Variants in MRPL3 observed in about 807,000 individuals in gnomAD.
MRPL3 encodes the protein mitochondrial ribosomal protein L3, also known as large ribosomal subunit protein uL3m.
A neutral mutation model predicts 44.3 loss-of-function variants in MRPL3; 43 were observed. The observed-to-expected ratio is 0.97, with a 90% CI of 0.76 to 1.25. MRPL3 has a LOEUF of 1.25. MRPL3 is among the 50% of genes most tolerant of loss of function. MRPL3 has a pLI of 0.00. For synonymous variants in MRPL3, 171 were observed against 152.3 expected, an observed-to-expected ratio of 1.12 and a Z score of -0.91; for missense variants, 406 against 427.6, an observed-to-expected ratio of 0.95 and a Z score of 0.45.
intron 5 of MRPL3, among the ~76,000 whole-genome samples, chr3:131,488,232 T>C (rs1020794517): frequency 2.0e-5 from 3 of 152,176 alleles, no homozygotes; most frequent in Non-Finnish European, 4.4e-5. Context: ...ATATCAGATT[T>C]TGGGTGAACT....
At chr3:131,475,083 G>T (rs1315330516) in intron 6 of MRPL3, among the ~76,000 whole-genome samples, 1 of 152,042 alleles carries the variant, frequency 6.6e-6, no homozygotes, top group African/African-American at 2.4e-5. Flanking sequence ...TGCCAGGCAT[G>T]TGACATATTT....
intron 6 of MRPL3, among the ~76,000 whole-genome samples, chr3:131,475,571 A>T (rs1933836485): frequency 6.6e-6 from 1 of 152,214 alleles, no homozygotes; most frequent in East Asian, 1.9e-4. Context: ...CTTTTATAAG[A>T]ATAATTTAAA....
chr3:131,494,892 G>A (rs1295662563), intron 4 of MRPL3, among the ~76,000 whole-genome samples: 1 of 152,050 alleles, frequency 6.6e-6, no homozygotes, highest in African/African-American at 2.4e-5. Flanking sequence ...TCCCATCTAT[G>A]AGGTTGCATT....
intron 5 of MRPL3, 116 bp downstream of exon 5, chr3:131,489,865 A>C: frequency 1.7e-6 from 1 of 583,528 alleles, no homozygotes; most frequent in Non-Finnish European, 3.0e-6. Flanking sequence ...TTTTGTATTT[A>C]AAAGTAAGTG....
intron 6 of MRPL3, among the ~76,000 whole-genome samples, chr3:131,486,336 C>G (rs35806261): frequency 1.2e-5 from 1 of 81,720 alleles, no homozygotes; most frequent in Admixed American, 1.8e-4. Context: ...CAAATGGGAT[C>G]TCATTAAACC....
At chr3:131,500,613 T>C (rs1363185782) in intron 2 of MRPL3, 92 bp from the exon 3 acceptor site, 21 of 988,036 alleles carry the variant, frequency 2.1e-5, no homozygotes, top group Non-Finnish European at 2.9e-5. Context: ...GGTTTCCGTA[T>C]GAGGAGCAGG....
chr3:131,496,877 T>C (rs529680729), intron 4 of MRPL3, among the ~76,000 whole-genome samples: 4 of 152,348 alleles, frequency 2.6e-5, no homozygotes, highest in Middle Eastern at 3.4e-3. Context: ...CACACTACCT[T>C]GATAGCTGCA....
chr3:131,464,138 C>T (rs1035440071), intron 9 of MRPL3, among the ~76,000 whole-genome samples: 6 of 151,938 alleles, frequency 3.9e-5, no homozygotes, highest in African/African-American at 1.4e-4. Flanking sequence ...TTTAAACTTG[C>T]TCAGTATTTA....
chr3:131,470,166 T>C (rs948401641), intron 7 of MRPL3, among the ~76,000 whole-genome samples: 1 of 152,178 alleles, frequency 6.6e-6, no homozygotes, highest in Non-Finnish European at 1.5e-5. Context: ...ACTTCATCCA[T>C]ACCACTGGTG....
At chr3:131,495,033 C>T (rs1258434961) in intron 4 of MRPL3, among the ~76,000 whole-genome samples, 3 of 152,076 alleles carry the variant, frequency 2.0e-5, no homozygotes, top group Admixed American at 6.6e-5. Context: ...TATGTACTAC[C>T]TCAGTTTTTA....
rs147405712 is a variant in MRPL3 at position 131,497,701 on chromosome 3, C to T, written c.468+478G>A. Among the ~76,000 whole-genome samples, 236 of 152,148 alleles carry T rather than the reference C, an allele frequency of 1.6e-3. 1 individual carries two copies. The highest frequency in any genetic ancestry group is 5.2e-3 in the African/African-American group (215 of 41,520). On this transcript the variant is annotated intron_variant, in intron 4 of 9. Transcript: ENST00000264995. ...TTTGGATTCTTATACAGCTTTCTCC[C>T]AAACACTGAAAGCTCCTTCCAGAAT...
intron 6 of MRPL3, chr3:131,479,037 T>C: frequency 2.3e-6 from 1 of 442,784 alleles, no homozygotes; most frequent in South Asian, 1.7e-5. Flanking sequence ...ATCCATACTC[T>C]AAGTAGAGGT....
chr3:131,480,726 C>A (rs1414815945), intron 6 of MRPL3, among the ~76,000 whole-genome samples: 1 of 152,176 alleles, frequency 6.6e-6, no homozygotes, highest in African/African-American at 2.4e-5. Context: ...TGAAAGGACA[C>A]AAATTTTCTG....
At chr3:131,498,070 C>T in intron 4 of MRPL3, 109 bp downstream of exon 4, 2 of 853,262 alleles carry the variant, frequency 2.3e-6, no homozygotes, top group Non-Finnish European at 3.8e-6. Context: ...CAATTTACCT[C>T]ACAAACAAAT....
chr3:131,476,774 C>T (rs1264989669), intron 6 of MRPL3, among the ~76,000 whole-genome samples: 5 of 152,114 alleles, frequency 3.3e-5, no homozygotes, highest in South Asian at 2.1e-4. Flanking sequence ...TTTCAGTGCA[C>T]GAAGGGTAGA....
At chr3:131,487,267 A>AGGGC (rs1934147476) in intron 6 of MRPL3, 1 of 160,204 alleles carries the variant, frequency 6.2e-6, no homozygotes, top group Admixed American at 6.4e-5. Context: ...ACTTGGACAC[A>AGGGC]GGGCGGGGAA....
intron 7 of MRPL3, 97 bp downstream of exon 7, chr3:131,471,074 C>T (rs999467436): frequency 1.2e-6 from 1 of 843,260 alleles, no homozygotes; most frequent in African/African-American, 1.7e-5. Flanking sequence ...TTGTGTCAGA[C>T]TAAAATTATG....
intron 9 of MRPL3, 49 bp downstream of exon 9, chr3:131,468,042 T>A (rs1933657698): frequency 3.2e-6 from 3 of 948,396 alleles, no homozygotes; most frequent in Non-Finnish European, 2.9e-6. Context: ...AGCTTGCGAG[T>A]AAGAAACAAA....
intron 5 of MRPL3, among the ~76,000 whole-genome samples, chr3:131,488,093 C>T (rs1322506807): frequency 6.6e-6 from 1 of 152,000 alleles, no homozygotes; most frequent in Non-Finnish European, 1.5e-5. Flanking sequence ...CAAGAATAAC[C>T]AAAAAATGTT....
Sources: allele counts gnomAD v4.1 joint callset (sites outside exome capture counted in the v4.1 genomes callset), GRCh38; gene constraint gnomAD v4.1.1; transcripts MANE v1.5; gene names NCBI Gene and HGNC (gene_info 2026-07-23, HGNC 2026-07-21).